The following BRWD1 variants were observed in gnomAD, a reference collection of about 807,000 sequenced individuals.
BRWD1 encodes bromodomain and WD repeat-containing protein 1.
Under a neutral mutation model 251.2 loss-of-function variants are expected in BRWD1, and 82 were observed. The observed-to-expected ratio is 0.33, with a 90% CI of 0.27 to 0.39. The LOEUF is 0.39. BRWD1 is among the 10% of genes least tolerant of loss of function. BRWD1 has a pLI of 1.00. For missense variants in BRWD1, 2,233 were observed against 2,711.6 expected, an observed-to-expected ratio of 0.82 and a Z score of 3.92; for synonymous variants, 918 against 902.8, an observed-to-expected ratio of 1.02 and a Z score of -0.30.
At chr21:39,252,249 CAA>C (rs36017444) in intron 19 of BRWD1, among the ~76,000 whole-genome samples, 12 of 122,220 alleles carry the variant, frequency 9.8e-5, no homozygotes, top group African/African-American at 1.2e-4. Context: ...AACTCCGTCT[CAA>C]AAAAAAAAAA....
chr21:39,200,768 T>G (rs1443620853), intron 38 of BRWD1, among the ~76,000 whole-genome samples: 1 of 152,136 alleles, frequency 6.6e-6, no homozygotes, highest in Non-Finnish European at 1.5e-5. Context: ...GGTGGATCAC[T>G]TGAGGCCAGG....
At position 39,194,480 on chromosome 21, in the gene BRWD1, A is replaced by C; in HGVS notation, c.*1779T>G. On this transcript the variant is annotated 3_prime_UTR_variant, in exon 41 of 41. Transcript: ENST00000342449. ...TCAATCTGTTTACTATCTACTTAAC[A>C]CAAGTTCTGAGAAGAAAAGCATCAT... The C allele has an allele frequency of 1.4e-6, 2 of 1,403,522 alleles. No individual in the cohort carries two copies. Among genetic ancestry groups the C allele is most frequent in the Non-Finnish European group, 1.8e-6 (2 of 1,082,704 alleles). 86.9% of individuals were successfully genotyped at this position (1,403,522 alleles called of 1,614,324 possible).
intron 38 of BRWD1, 22 bp from the exon 39 acceptor site, chr21:39,200,408 T>C (rs1165137844): frequency 1.9e-6 from 3 of 1,597,214 alleles, no homozygotes; most frequent in Non-Finnish European, 2.6e-6. Context: ...AAAGTGTAAA[T>C]AGTTACATAT....
upstream of BRWD1, chr21:39,314,609 A>G (rs139255466): frequency 0.013 from 4,613 of 342,294 alleles, 85 homozygotes; most frequent in South Asian, 0.036. Context: ...CCTAACTATG[A>G]GTTTCCTCCG....
At position 39,229,455 on chromosome 21, in the gene BRWD1, T is replaced by C. The variant is rs1258649382; in HGVS notation, c.3001-19A>G. On this transcript the variant is annotated intron_variant, in intron 25 of 40. Transcript: ENST00000342449. ...CTTGATCCTTTAACAGACATATTTT[T>C]TAATGGTTAAAATAAAAGCAATTCC... 1 of 1,584,828 alleles carries C rather than the reference T, an allele frequency of 6.3e-7. No homozygotes were observed. Among genetic ancestry groups the C allele is most frequent in the Non-Finnish European group, 8.6e-7 (1 of 1,156,382 alleles).
intron 5 of BRWD1, chr21:39,297,250 T>C (rs2035985830): frequency 1.0e-6 from 1 of 985,370 alleles, no homozygotes; most frequent in African/African-American, 1.7e-5. Context: ...AAACCTCTAC[T>C]GAGCCTCGGG....
intron 8 of BRWD1, among the ~76,000 whole-genome samples, chr21:39,283,433 A>T (rs890010471): frequency 2.0e-5 from 3 of 152,222 alleles, no homozygotes; most frequent in Admixed American, 2.0e-4. Context: ...CTTCATAAAC[A>T]TATTTCACAT....
rs1380219625 is a variant in BRWD1, at chr21:39,247,005, G to C, written c.2481+696C>G. Among the ~76,000 whole-genome samples, 3 of 152,098 alleles carry C rather than the reference G, an allele frequency of 2.0e-5. No homozygotes were observed. The South Asian group carries it at 6.2e-4, about 32-fold the overall frequency. Reference sequence around the variant, plus strand: ...AGGCAGAAGAATCGCTTGAACCCGGGAGGCAGAGGTTGCAGTGAGCCGAGA... The same window carrying C: ...AGGCAGAAGAATCGCTTGAACCCGGCAGGCAGAGGTTGCAGTGAGCCGAGA... On this transcript the variant is annotated intron_variant, in intron 21 of 40. Coordinates refer to ENST00000342449, the MANE Select transcript of BRWD1 (RefSeq NM_033656.4).
intron 15 of BRWD1, among the ~76,000 whole-genome samples, chr21:39,268,442 CAAAAAAAAA>C (rs35682732): frequency 3.7e-5 from 4 of 109,270 alleles, no homozygotes; most frequent in Non-Finnish European, 7.4e-5. Flanking sequence ...ACTCCATCTC[CAAAAAAAAA>C]AAAAAAAAAT....
In BRWD1 at chr21:39,194,474, CTT is replaced by C; in HGVS notation, c.*1783_*1784del. ...CATGAATCAATCTGTTTACTATCTACTTAACACAAGTTCTGAGAAGAAAAGCA... is the reference window on the plus strand; with the variant it reads ...CATGAATCAATCTGTTTACTATCTACAACACAAGTTCTGAGAAGAAAAGCA... On this transcript the variant is annotated 3_prime_UTR_variant, in exon 41 of 41. Coordinates refer to ENST00000342449, the MANE Select transcript of BRWD1 (RefSeq NM_033656.4). 5 of 1,397,190 alleles carry C rather than the reference CTT, an allele frequency of 3.6e-6. No individual in the cohort carries two copies. Among genetic ancestry groups the C allele is most frequent in the Non-Finnish European group, 4.6e-6 (5 of 1,078,900 alleles). 86.5% of individuals were successfully genotyped at this position (1,397,190 alleles called of 1,614,324 possible).
chr21:39,240,645 A>C (rs753135696), intron 21 of BRWD1, among the ~76,000 whole-genome samples: 4 of 152,262 alleles, frequency 2.6e-5, no homozygotes, highest in Admixed American at 2.0e-4. Flanking sequence ...ACGATTCAAT[A>C]AACTGTTTCA....
At chr21:39,272,068 C>CAA (rs374454252) in intron 13 of BRWD1, among the ~76,000 whole-genome samples, 20 of 126,438 alleles carry the variant, frequency 1.6e-4, no homozygotes, top group African/African-American at 5.6e-4. Context: ...TATGTAATTA[C>CAA]AAAAAAAAAA....
chr21:39,187,853 G>T lies in BRWD1; in HGVS notation c.*8406C>A. 1.0e-6 allele frequency: 1 copy of T among 984,592 alleles called. No homozygotes were observed. Among genetic ancestry groups the T allele is most frequent in the East Asian group, 1.1e-4 (1 of 8,818 alleles). The allele number at this position is 984,592 out of a possible 1,614,324, so 61.0% of individuals were successfully genotyped here. ...TTTAAGGAACCAAAAAGTGCAGAGT[G>T]CTATGAGAACACAGACTGGAAACCT... On this transcript the variant is annotated 3_prime_UTR_variant, in exon 41 of 41. Coordinates refer to ENST00000342449, the MANE Select transcript of BRWD1 (RefSeq NM_033656.4).
At chr21:39,314,035 A>C (rs1281347058), upstream of BRWD1, 1 of 455,510 alleles carries the variant, frequency 2.2e-6, no homozygotes, top group South Asian at 1.6e-5. Context: ...AGGGGCCCCG[A>C]GTCGCGGGTT....
At chr21:39,235,253 A>AAAAT (rs771268310) in intron 23 of BRWD1, 6 of 152,336 alleles carry the variant, frequency 3.9e-5, no homozygotes, top group Middle Eastern at 3.4e-3. Flanking sequence ...CAAAAAATAA[A>AAAAT]AAATAAATAA....
intron 4 of BRWD1, among the ~76,000 whole-genome samples, chr21:39,303,163 T>TA (rs1394479245): frequency 6.6e-6 from 1 of 152,166 alleles, no homozygotes; most frequent in Admixed American, 6.6e-5. Context: ...TGTATATTGG[T>TA]AATGTATATT....
Position 39,186,929 on chromosome 21 carries a change from A to C in BRWD1, c.*9330T>G. Reference sequence around the variant, plus strand: ...TTTAGAAAATTCCTCCAAAGATGCCAATAAGGGAGTAATTTTAGAGCTGGG... The same window carrying C: ...TTTAGAAAATTCCTCCAAAGATGCCCATAAGGGAGTAATTTTAGAGCTGGG... On this transcript the variant is annotated 3_prime_UTR_variant, in exon 41 of 41. Transcript: ENST00000342449. 1 of 1,493,880 alleles carries C rather than the reference A, an allele frequency of 6.7e-7. No individual in the cohort carries two copies. Among genetic ancestry groups the C allele is most frequent in the Admixed American group, 2.5e-5 (1 of 39,638 alleles). The allele number at this position is 1,493,880 out of a possible 1,614,324, so 92.5% of individuals were successfully genotyped here.
intron 12 of BRWD1, among the ~76,000 whole-genome samples, chr21:39,275,026 C>T (rs924563818): frequency 6.6e-6 from 1 of 150,990 alleles, no homozygotes; most frequent in East Asian, 1.9e-4. Context: ...GCCTAGGCAA[C>T]AGAGCTAGAC....
intron 37 of BRWD1, among the ~76,000 whole-genome samples, chr21:39,204,832 A>G (rs923838166): frequency 2.0e-5 from 3 of 152,170 alleles, no homozygotes; most frequent in African/African-American, 4.8e-5. Context: ...TCCTGCTCCT[A>G]TGAAAATCGA....
Sources: gnomAD v4.1 joint callset for allele counts (sites outside exome capture counted in the v4.1 genomes callset) on GRCh38, gnomAD v4.1.1 for gene constraint, MANE v1.5 for transcripts, NCBI Gene and HGNC (gene_info 2026-07-23, HGNC 2026-07-21) for gene names.